Variants in GRM8 observed in about 807,000 individuals in gnomAD.
The protein encoded by GRM8 is glutamate metabotropic receptor 8.
GRM8 carries 47 observed loss-of-function variants against 87.2 expected under a neutral mutation model. That is an observed-to-expected ratio of 0.54 (90% CI 0.43 to 0.69). The LOEUF is 0.69. Ranked by LOEUF, GRM8 falls within the 30% of genes least tolerant of loss-of-function variation. The pLI is 0.00. For synonymous variants in GRM8, 396 were observed against 404.5 expected, an observed-to-expected ratio of 0.98 and a Z score of 0.25; for missense variants, 1,019 against 1,139.2, an observed-to-expected ratio of 0.89 and a Z score of 1.52.
chr7:126,711,997 C>A (rs769255030), intron 7 of GRM8, among the ~76,000 whole-genome samples: 20 of 152,330 alleles, frequency 1.3e-4, no homozygotes, highest in Non-Finnish European at 2.6e-4. Context: ...TTTGTGTGTT[C>A]ACTGGAGTAG....
intron 7 of GRM8, among the ~76,000 whole-genome samples, chr7:126,622,622 C>A (rs1182509036): frequency 3.3e-5 from 5 of 152,174 alleles, no homozygotes; most frequent in East Asian, 3.8e-4. Context: ...ACCTTCCATG[C>A]ACTTTCAGTT....
intron 7 of GRM8, among the ~76,000 whole-genome samples, chr7:126,698,286 T>C (rs1333877856): frequency 2.0e-5 from 3 of 152,282 alleles, no homozygotes; most frequent in Admixed American, 6.5e-5. Flanking sequence ...TTCTTTGTTA[T>C]AATTTTATTG....
rs1049244074 is a variant in GRM8, at chr7:127,153,758, A to T, written c.511-47046T>A. 1.6e-4 allele frequency among the ~76,000 whole-genome samples: 25 copies of T among 152,154 alleles called. 1 individual carries two copies. The highest frequency in any genetic ancestry group is 1.6e-3 in the Admixed American group (25 of 15,268). On this transcript the variant is annotated intron_variant, in intron 2 of 10. Transcript: ENST00000339582. ...AGCTCCTGGCACAAGGTAGATGCTC[A>T]TATTTGACTCAATTAGAAATGGCAA... is the stretch of plus-strand genomic sequence containing the variant.
rs748569648 is a variant in GRM8 at position 127,242,937 on chromosome 7, G to T, written c.268C>A (p.Pro90Thr). 2.5e-6 allele frequency: 4 copies of T among 1,614,110 alleles called. No individual in the cohort carries two copies. The South Asian group carries it at 3.3e-5, about 13-fold the overall frequency. Reference protein sequence around the residue: ...LYAIDQINKDPDLLSNITLGV... With the variant: ...LYAIDQINKDTDLLSNITLGV... ...AGAGTGATGTTGGAAAGGAGATCAG[G>T]GTCCTTGTTAATCTGGTCAATTGCA... Residue 90 changes from proline (P) to threonine (T), a missense_variant, in exon 2 of 11, where the codon CCT (proline) becomes ACT (threonine). Pro to Thr is a conservative substitution (Grantham distance 38). Coordinates refer to ENST00000339582, the MANE Select transcript of GRM8 (RefSeq NM_000845.3).
chr7:127,131,549 G>T (rs905226314), intron 2 of GRM8, among the ~76,000 whole-genome samples: 1 of 152,184 alleles, frequency 6.6e-6, no homozygotes, highest in Non-Finnish European at 1.5e-5. Context: ...GATAACGAGG[G>T]CTTCCTTGTA....
At chr7:126,935,063 A>G (rs1424330471) in intron 3 of GRM8, among the ~76,000 whole-genome samples, 2 of 152,286 alleles carry the variant, frequency 1.3e-5, no homozygotes, top group South Asian at 4.2e-4. Flanking sequence ...CAATAAATAT[A>G]GGGTAACATC....
At chr7:126,842,053 C>A (rs1796316288) in intron 6 of GRM8, among the ~76,000 whole-genome samples, 1 of 151,280 alleles carries the variant, frequency 6.6e-6, no homozygotes, top group Admixed American at 6.5e-5. Context: ...ATTGTTAAAC[C>A]ATTTAACGTT....
intron 6 of GRM8, among the ~76,000 whole-genome samples, chr7:126,899,349 C>T (rs756222641): frequency 5.3e-5 from 8 of 152,154 alleles, no homozygotes; most frequent in Non-Finnish European, 1.0e-4. Flanking sequence ...CATGTATCCT[C>T]CTCTCCAAGA....
chr7:127,128,998 G>A (rs963646185), intron 2 of GRM8, among the ~76,000 whole-genome samples: 5 of 152,064 alleles, frequency 3.3e-5, no homozygotes, highest in African/African-American at 1.2e-4. Flanking sequence ...TATGGCAACT[G>A]CATTATCAAT....
intron 6 of GRM8, among the ~76,000 whole-genome samples, chr7:126,860,403 T>C (rs1405479138): frequency 6.6e-6 from 1 of 152,162 alleles, no homozygotes; most frequent in Non-Finnish European, 1.5e-5. Flanking sequence ...GGTGAGTCTG[T>C]AAAATATAAT....
chr7:126,569,214 G>C (rs570361561), intron 8 of GRM8, among the ~76,000 whole-genome samples: 1 of 152,180 alleles, frequency 6.6e-6, no homozygotes, highest in Admixed American at 6.5e-5. Context: ...TCTAAAGACT[G>C]GGTAGTTTCT....
intron 2 of GRM8, among the ~76,000 whole-genome samples, chr7:127,171,489 C>T (rs979500364): frequency 2.0e-5 from 3 of 152,132 alleles, no homozygotes; most frequent in African/African-American, 4.8e-5. Context: ...GTCATTGTTG[C>T]CTTATTTTAA....
At chr7:126,594,881 G>A (rs947301308) in intron 8 of GRM8, among the ~76,000 whole-genome samples, 6 of 151,990 alleles carry the variant, frequency 3.9e-5, no homozygotes, top group Non-Finnish European at 8.8e-5. Context: ...TCAGTTCTGA[G>A]ACAAGACATC....
At chr7:126,936,823 T>A (rs2131495556) in intron 3 of GRM8, among the ~76,000 whole-genome samples, 1 of 152,240 alleles carries the variant, frequency 6.6e-6, no homozygotes, top group East Asian at 1.9e-4. Flanking sequence ...AGAGAAGAAG[T>A]ACCCACCCAT....
At chr7:127,114,528 C>G (rs1826583555) in intron 2 of GRM8, among the ~76,000 whole-genome samples, 1 of 152,136 alleles carries the variant, frequency 6.6e-6, no homozygotes. Flanking sequence ...GAAGACCACA[C>G]CCCTCACCAG....
At chr7:126,472,586 A>T (rs1054583030) in intron 9 of GRM8, among the ~76,000 whole-genome samples, 1 of 152,204 alleles carries the variant, frequency 6.6e-6, no homozygotes, top group Non-Finnish European at 1.5e-5. Flanking sequence ...GCAGCTGACA[A>T]TGCAATAGAA....
chr7:126,623,293 A>C (rs2151148105), intron 7 of GRM8, among the ~76,000 whole-genome samples: 1 of 152,288 alleles, frequency 6.6e-6, no homozygotes, highest in Non-Finnish European at 1.5e-5. Context: ...ATTTTCTTAA[A>C]AAGTCTAAAT....
At chr7:126,442,821 G>C (rs2150450825) in intron 10 of GRM8, among the ~76,000 whole-genome samples, 1 of 152,102 alleles carries the variant, frequency 6.6e-6, no homozygotes, top group South Asian at 2.1e-4. Context: ...ATTCACAAAA[G>C]GACAGCAATG....
intron 7 of GRM8, among the ~76,000 whole-genome samples, chr7:126,628,033 TC>T (rs1405329772): frequency 6.6e-6 from 1 of 152,102 alleles, no homozygotes; most frequent in Non-Finnish European, 1.5e-5. Context: ...GGGAAAGTAG[TC>T]CCTCTTTTTC....
Sources: allele counts gnomAD v4.1 joint callset (sites outside exome capture counted in the v4.1 genomes callset), GRCh38; gene constraint gnomAD v4.1.1; transcripts MANE v1.5; gene names NCBI Gene and HGNC (gene_info 2026-07-23, HGNC 2026-07-21).